The following EPB41L4A variants were observed in gnomAD, a reference collection of about 807,000 sequenced individuals.
EPB41L4A encodes the protein erythrocyte membrane protein band 4.1 like 4A, also known as band 4.1-like protein 4A.
EPB41L4A carries 100 observed loss-of-function variants against 108.6 expected under a neutral mutation model. The ratio of observed to expected loss-of-function variants is 0.92; its 90% confidence interval spans 0.78 to 1.09. The LOEUF is 1.09. Ranked by LOEUF, EPB41L4A falls within the 50% of genes least tolerant of loss-of-function variation. The probability of loss-of-function intolerance (pLI) is 0.00; values close to 1 mark genes in which losing one functional copy is unlikely to be tolerated. For missense variants in EPB41L4A, 1,030 were observed against 842.7 expected, an observed-to-expected ratio of 1.22 and a Z score of -2.75; for synonymous variants, 319 against 289.0, an observed-to-expected ratio of 1.10 and a Z score of -1.05.
At chr5:112,283,999 T>C (rs1394368475) in intron 2 of EPB41L4A, among the ~76,000 whole-genome samples, 2 of 152,214 alleles carry the variant, frequency 1.3e-5, no homozygotes, top group African/African-American at 2.4e-5. Flanking sequence ...ATAAAGTACA[T>C]GTCTATCAGC....
At chr5:112,185,031 GA>G (rs1561457745) in intron 17 of EPB41L4A, among the ~76,000 whole-genome samples, 4 of 141,878 alleles carry the variant, frequency 2.8e-5, no homozygotes, top group African/African-American at 1.2e-4. Flanking sequence ...TGGCAGGAGA[GA>G]AGAAGTACTT....
Position 112,195,561 on chromosome 5 carries a change from T to A in EPB41L4A, c.1424+100A>T, listed in dbSNP as rs180945697. 15 of 993,890 alleles carry A rather than the reference T, an allele frequency of 1.5e-5. 1 individual carries two copies. Among genetic ancestry groups the A allele is most frequent in the Admixed American group, 1.3e-4 (5 of 38,626 alleles). 61.6% of individuals were successfully genotyped at this position (993,890 alleles called of 1,614,324 possible). ...AACTGGCTTTTGAAAGTAAAAAAAA[T>A]AAAAAAAAATAATGCCCCCGCTCTT... On this transcript the variant is annotated intron_variant, in intron 16 of 22. Transcript: ENST00000261486.
At chr5:112,286,900 T>C (rs1055960275) in intron 2 of EPB41L4A, among the ~76,000 whole-genome samples, 1 of 152,070 alleles carries the variant, frequency 6.6e-6, no homozygotes, top group Non-Finnish European at 1.5e-5. Flanking sequence ...CATTCTCTCA[T>C]CTCCTCATGG....
At chr5:112,253,360 ACT>A (rs1023386564) in intron 9 of EPB41L4A, among the ~76,000 whole-genome samples, 4 of 152,000 alleles carry the variant, frequency 2.6e-5, no homozygotes, top group African/African-American at 7.3e-5. Flanking sequence ...GAAATAAGAA[ACT>A]CTCTGTTTTA....
At chr5:112,227,881 C>A (rs1166400673) in intron 12 of EPB41L4A, among the ~76,000 whole-genome samples, 1 of 152,218 alleles carries the variant, frequency 6.6e-6, no homozygotes, top group Non-Finnish European at 1.5e-5. Context: ...CTTGGGTCAA[C>A]AATAGATGCT....
At chr5:112,357,050 T>C (rs1001356056) in intron 1 of EPB41L4A, among the ~76,000 whole-genome samples, 4 of 152,184 alleles carry the variant, frequency 2.6e-5, no homozygotes, top group African/African-American at 4.8e-5. Context: ...GAGCGAGAGA[T>C]GGTTCTGCAA....
chr5:112,199,509 A>C (rs926436950), intron 15 of EPB41L4A, among the ~76,000 whole-genome samples: 1 of 152,178 alleles, frequency 6.6e-6, no homozygotes, highest in Admixed American at 6.5e-5. Flanking sequence ...CTATCCACCT[A>C]AACAACCTAA....
In EPB41L4A at chr5:112,234,717, A is replaced by G. The variant is rs1749205027; in HGVS notation, c.1004T>C (p.Ile335Thr). 1 of 1,613,032 alleles carries G rather than the reference A, an allele frequency of 6.2e-7. No individual in the cohort carries two copies. The highest frequency in any genetic ancestry group is 1.7e-5 in the Admixed American group (1 of 59,990). ...ATTCTGATCAGGCCGGGGAAGCTGA[A>G]TAGAAAGATCTCGGCTCATTTGCAA... is the stretch of plus-strand genomic sequence containing the variant. Reference protein sequence around the residue: ...TALQMSRDLSIQLPRPDQNVT... With the variant: ...TALQMSRDLSTQLPRPDQNVT... Residue 335 changes from isoleucine (I) to threonine (T), a missense_variant, in exon 12 of 23, where the codon ATT becomes ACT. Ile to Thr is a moderately conservative substitution (Grantham distance 89). Coordinates refer to ENST00000261486, the MANE Select transcript of EPB41L4A (RefSeq NM_022140.5).
At chr5:112,181,695 G>C (rs1163449840) in intron 18 of EPB41L4A, among the ~76,000 whole-genome samples, 1 of 152,164 alleles carries the variant, frequency 6.6e-6, no homozygotes, top group Non-Finnish European at 1.5e-5. Flanking sequence ...CATGTTGAGT[G>C]AAAGTAGTAG....
intron 1 of EPB41L4A, among the ~76,000 whole-genome samples, chr5:112,378,997 G>A (rs1759995658): frequency 6.6e-6 from 1 of 152,128 alleles, no homozygotes; most frequent in Non-Finnish European, 1.5e-5. Flanking sequence ...ATATGCAGGT[G>A]TCTATGAGCG....
chr5:112,315,717 CA>C (rs1336678733), intron 1 of EPB41L4A, among the ~76,000 whole-genome samples: 2 of 151,492 alleles, frequency 1.3e-5, no homozygotes, highest in African/African-American at 4.9e-5. Flanking sequence ...CTGAGGAAGC[CA>C]TATATTACAT....
At chr5:112,380,988 G>T (rs1211121153) in intron 1 of EPB41L4A, among the ~76,000 whole-genome samples, 1 of 152,054 alleles carries the variant, frequency 6.6e-6, no homozygotes, top group Non-Finnish European at 1.5e-5. Flanking sequence ...AAACTCATGG[G>T]GCCAGATGTG....
chr5:112,419,781 G>A (rs1159688399), upstream of EPB41L4A: 1 of 456,766 alleles, frequency 2.2e-6, no homozygotes, highest in Admixed American at 2.3e-5. Context: ...GGGGAGGTCA[G>A]CTCGTCGCGG....
chr5:112,144,826 A>G (rs1003751011), intron 13 of EPB41L4A, among the ~76,000 whole-genome samples: 1 of 152,126 alleles, frequency 6.6e-6, no homozygotes, highest in Admixed American at 6.5e-5. Flanking sequence ...CACATGTATG[A>G]ATATGTAATC....
Position 112,280,274 on chromosome 5 carries a change from T to C in EPB41L4A, c.254A>G (p.Asn85Ser), listed in dbSNP as rs373479547. ...CAAAGTAAAAGCTAAATACCTACTG[T>C]TGATCAGTTCTTTGTGTTCAGCAAG... ...KTLAEHKELI[N>S]TGPPYTLYFG... is the part of the protein sequence containing the mutation. The change falls in exon 3 of 23, where the codon AAC becomes AGC. Residue 85 changes from asparagine to serine, a missense_variant and splice_region_variant. Asn to Ser is a conservative substitution (Grantham distance 46). Transcript: ENST00000261486. 46 of 1,613,646 alleles carry C rather than the reference T, an allele frequency of 2.9e-5. No individual in the cohort carries two copies. Among genetic ancestry groups the C allele is most frequent in the Non-Finnish European group, 3.6e-5 (43 of 1,179,632 alleles).
chr5:112,203,631 G>T (rs919811199), intron 15 of EPB41L4A, among the ~76,000 whole-genome samples: 19 of 152,152 alleles, frequency 1.2e-4, no homozygotes, highest in African/African-American at 4.6e-4. Context: ...TAGGTAAAAT[G>T]TAACAGGATT....
At chr5:112,143,908 T>G (rs765486945) in intron 13 of EPB41L4A, 2 of 453,156 alleles carry the variant, frequency 4.4e-6, no homozygotes, top group East Asian at 7.0e-5. Flanking sequence ...AAGGGGGAAA[T>G]GTGCTCAGTT....
chr5:112,306,249 G>A (rs75165870), intron 2 of EPB41L4A, among the ~76,000 whole-genome samples: 2,260 of 152,118 alleles, frequency 0.015, 66 homozygotes, highest in African/African-American at 0.051. Flanking sequence ...TTACAGTACT[G>A]CTATATTTAT....
chr5:112,151,157 G>A (rs553225095), intron 12 of EPB41L4A, among the ~76,000 whole-genome samples: 73 of 152,206 alleles, frequency 4.8e-4, no homozygotes, highest in African/African-American at 1.7e-3. Context: ...ATCTTGAATA[G>A]ATGGTCTGAG....
Sources: allele counts gnomAD v4.1 joint callset (sites outside exome capture counted in the v4.1 genomes callset), GRCh38; gene constraint gnomAD v4.1.1; transcripts MANE v1.5; gene names NCBI Gene and HGNC (gene_info 2026-07-23, HGNC 2026-07-21).